The following PSD3 variants were observed in gnomAD, a reference collection of about 807,000 sequenced individuals.
The protein encoded by PSD3 is PH and SEC7 domain-containing protein 3.
Under a neutral mutation model 105.5 loss-of-function variants are expected in PSD3, and 49 were observed. The ratio of observed to expected loss-of-function variants is 0.46; its 90% CI spans 0.37 to 0.59. The LOEUF is 0.59. Among genes scored for constraint, PSD3 ranks in the 20% least tolerant of loss-of-function variants. The pLI is 0.00. For missense variants in PSD3, 1,561 were observed against 1,263.8 expected, an observed-to-expected ratio of 1.24 and a Z score of -3.57; for synonymous variants, 557 against 457.8, an observed-to-expected ratio of 1.22 and a Z score of -2.77.
intron 11 of PSD3, among the ~76,000 whole-genome samples, chr8:18,609,570 T>C (rs1449988882): frequency 6.6e-6 from 1 of 152,206 alleles, no homozygotes. Flanking sequence ...ACTTAAAGTA[T>C]CTTTAAAACA....
At chr8:18,693,662 G>C (rs764718795) in intron 9 of PSD3, among the ~76,000 whole-genome samples, 2 of 152,206 alleles carry the variant, frequency 1.3e-5, no homozygotes, top group Non-Finnish European at 2.9e-5. Flanking sequence ...CCCTGTTGCA[G>C]TTGTGGTGGC....
chr8:18,641,308 C>T (rs1156713717), intron 10 of PSD3, among the ~76,000 whole-genome samples: 1 of 152,090 alleles, frequency 6.6e-6, no homozygotes, highest in African/African-American at 2.4e-5. Flanking sequence ...GGCATCAGGG[C>T]CAGCTGAGTA....
chr8:18,632,941 G>C (rs1807007408), intron 10 of PSD3, 135 bp from the exon 11 acceptor site: 2 of 672,860 alleles, frequency 3.0e-6, no homozygotes, highest in East Asian at 5.6e-5. Flanking sequence ...GATAATGACA[G>C]ACACCATTTG....
At position 18,789,146 on chromosome 8, in the gene PSD3, G is replaced by T. The variant is rs116837607; in HGVS notation, c.2082+10149C>A. Among the ~76,000 whole-genome samples, 3 of 152,296 alleles carry T rather than the reference G, an allele frequency of 2.0e-5. No homozygotes were observed. In the South Asian group the frequency reaches 6.2e-4, roughly 32 times the overall value. On this transcript the variant is annotated intron_variant, in intron 8 of 15. Coordinates refer to ENST00000327040, the MANE Select transcript of PSD3 (RefSeq NM_015310.4). Reference sequence around the variant, plus strand: ...AAAAGAAAAAAAGGAACTAAAAATAGTACCACAGCACAGTGGTTCTCAAAG... The same window carrying T: ...AAAAGAAAAAAAGGAACTAAAAATATTACCACAGCACAGTGGTTCTCAAAG...
At chr8:18,593,441 T>A (rs547957082) in intron 12 of PSD3, among the ~76,000 whole-genome samples, 1 of 152,256 alleles carries the variant, frequency 6.6e-6, no homozygotes, top group East Asian at 1.9e-4. Context: ...CTCACACCAG[T>A]TAGAACGGCG....
chr8:18,628,816 T>A (rs1806685672), intron 11 of PSD3, among the ~76,000 whole-genome samples: 1 of 151,664 alleles, frequency 6.6e-6, no homozygotes. Context: ...ATTAAAGAAG[T>A]ACAGCAAACA....
At chr8:19,073,377 C>G (rs1829335481) in intron 1 of PSD3, among the ~76,000 whole-genome samples, 1 of 151,774 alleles carries the variant, frequency 6.6e-6, no homozygotes, top group African/African-American at 2.4e-5. Flanking sequence ...ATGGAGAAAG[C>G]CCATCTCTAC....
chr8:18,765,401 C>T (rs1382570437), intron 9 of PSD3, 48 bp downstream of exon 9: 1 of 1,492,530 alleles, frequency 6.7e-7, no homozygotes, highest in Non-Finnish European at 9.3e-7. Flanking sequence ...CTGTAAGCAG[C>T]AAACAGAAAT....
intron 10 of PSD3, among the ~76,000 whole-genome samples, chr8:18,649,631 T>C (rs1808321435): frequency 6.6e-6 from 1 of 151,846 alleles, no homozygotes; most frequent in African/African-American, 2.4e-5. Context: ...GAGAAGGACA[T>C]GAGATTTTAG....
intron 2 of PSD3, among the ~76,000 whole-genome samples, chr8:18,899,154 T>A (rs983927109): frequency 6.6e-6 from 1 of 152,180 alleles, no homozygotes; most frequent in Admixed American, 6.5e-5. Flanking sequence ...CCTCATCATC[T>A]GGCACTAATT....
intron 1 of PSD3, chr8:18,979,668 C>A: frequency 6.1e-6 from 1 of 164,056 alleles, no homozygotes; most frequent in Non-Finnish European, 1.3e-5. Context: ...GGCCAATGAA[C>A]TCACAAGTGT....
intron 9 of PSD3, among the ~76,000 whole-genome samples, chr8:18,658,342 C>G (rs1380773307): frequency 6.6e-6 from 1 of 152,144 alleles, no homozygotes; most frequent in Non-Finnish European, 1.5e-5. Flanking sequence ...ATCTTTTTAT[C>G]TACTCAGCCT....
At chr8:19,067,219 G>C (rs1192295575) in intron 1 of PSD3, among the ~76,000 whole-genome samples, 1 of 152,190 alleles carries the variant, frequency 6.6e-6, no homozygotes, top group Non-Finnish European at 1.5e-5. Flanking sequence ...AAATATGATA[G>C]TAATAGTAAC....
intron 15 of PSD3, among the ~76,000 whole-genome samples, chr8:18,551,324 A>G (rs191232924): frequency 6.6e-6 from 1 of 152,352 alleles, no homozygotes; most frequent in Admixed American, 6.5e-5. Flanking sequence ...CAACAGTAAA[A>G]TGAAAGGTTT....
At chr8:18,815,563 G>A (rs1812147376) in intron 4 of PSD3, among the ~76,000 whole-genome samples, 2 of 152,130 alleles carry the variant, frequency 1.3e-5, no homozygotes, top group South Asian at 2.1e-4. Flanking sequence ...TCTCCACCTC[G>A]GCCTCCCAAA....
intron 9 of PSD3, among the ~76,000 whole-genome samples, chr8:18,744,210 T>C (rs937297670): frequency 7.2e-5 from 11 of 152,346 alleles, no homozygotes; most frequent in Non-Finnish European, 1.3e-4. Flanking sequence ...CTGTAGGCTT[T>C]ACATGGATTT....
intron 2 of PSD3, among the ~76,000 whole-genome samples, chr8:18,891,094 C>G (rs12544480): frequency 0.062 from 9,395 of 152,210 alleles, 324 homozygotes; most frequent in Admixed American, 0.099. Context: ...CTACATCACA[C>G]ACACCCAATT....
chr8:18,556,599 C>G (rs574327390), intron 14 of PSD3, among the ~76,000 whole-genome samples: 3 of 152,262 alleles, frequency 2.0e-5, no homozygotes, highest in Admixed American at 2.0e-4. Context: ...CAAATGGCTT[C>G]CGAGCTCTTT....
chr8:18,600,576 C>T, intron 11 of PSD3, 142 bp from the exon 12 acceptor site: 1 of 673,452 alleles, frequency 1.5e-6, no homozygotes, highest in Non-Finnish European at 2.5e-6. Flanking sequence ...ATTTTCTGAG[C>T]CTTATGGTGT....
Sources: allele counts gnomAD v4.1 joint callset (sites outside exome capture counted in the v4.1 genomes callset), GRCh38; gene constraint gnomAD v4.1.1; transcripts MANE v1.5; gene names NCBI Gene and HGNC (gene_info 2026-07-23, HGNC 2026-07-21).